The following SMAD9 variants were observed in gnomAD, a reference collection of about 807,000 sequenced individuals.
The protein encoded by SMAD9 is MAD homolog 9.
In SMAD9, 36 loss-of-function variants were observed where a neutral mutation model predicts 46.1. That is an observed-to-expected ratio of 0.78 (90% CI 0.60 to 1.03). The LOEUF (loss-of-function observed/expected upper bound fraction) is 1.03, where lower values mean the gene tolerates loss of function less well. SMAD9 is among the 50% of genes least tolerant of loss of function. The pLI is 0.00. For synonymous variants in SMAD9, 245 were observed against 237.1 expected (o/e 1.03, Z -0.31); for missense variants, 572 against 599.8 (o/e 0.95, Z 0.48).
chr13:36,850,739 T>C (rs982655889), intron 6 of SMAD9, among the ~76,000 whole-genome samples: 4 of 152,148 alleles, frequency 2.6e-5, no homozygotes, highest in African/African-American at 4.8e-5. Flanking sequence ...TTAAATACGG[T>C]CCCTTTGCAG....
At position 36,848,342 on chromosome 13, in the gene SMAD9, C is replaced by T. The variant is rs992020452; in HGVS notation, c.*334G>A. 2 of 324,572 alleles carry T rather than the reference C, an allele frequency of 6.2e-6. No homozygotes were observed. Among genetic ancestry groups the T allele is most frequent in the African/African-American group, 2.1e-5 (1 of 46,870 alleles). The allele number at this position is 324,572 out of a possible 1,614,324, so 20.1% of individuals were successfully genotyped here. On this transcript the variant is annotated 3_prime_UTR_variant, in exon 7 of 7. Transcript: ENST00000379826. Reference sequence around the variant, plus strand: ...GTTTCAATGTTTCTGTGAGGCCACACAACATGCTTTATAATGACACGGCTG... The same window carrying T: ...GTTTCAATGTTTCTGTGAGGCCACATAACATGCTTTATAATGACACGGCTG...
At chr13:36,880,857 G>T (rs1034805447) in intron 1 of SMAD9, among the ~76,000 whole-genome samples, 4 of 151,818 alleles carry the variant, frequency 2.6e-5, no homozygotes, top group African/African-American at 9.7e-5. Context: ...TGTTAATACA[G>T]TTTTTTTAAT....
intron 1 of SMAD9, among the ~76,000 whole-genome samples, chr13:36,906,615 G>A (rs2058622112): frequency 6.6e-6 from 1 of 152,158 alleles, no homozygotes; most frequent in Non-Finnish European, 1.5e-5. Context: ...CTCCAAAGAA[G>A]ATATACAAAT....
chr13:36,920,402 C>T (rs1227430202), upstream of SMAD9: 2 of 151,324 alleles, frequency 1.3e-5, no homozygotes, highest in East Asian at 1.9e-4. Flanking sequence ...GCGAGACCGG[C>T]CCCACGGCCA....
chr13:36,906,384 GA>G (rs990984878), intron 1 of SMAD9, among the ~76,000 whole-genome samples: 1 of 151,714 alleles, frequency 6.6e-6, no homozygotes, highest in African/African-American at 2.4e-5. Flanking sequence ...TAAATAAATG[GA>G]AAAAAATGCA....
intron 3 of SMAD9, 32 bp downstream of exon 3, chr13:36,872,626 G>T (rs779632486): frequency 6.2e-7 from 1 of 1,612,008 alleles, no homozygotes; most frequent in Admixed American, 1.7e-5. Context: ...TTATTTTCCC[G>T]TATTTCCCCA....
At chr13:36,877,703 C>T (rs571971310) in intron 2 of SMAD9, among the ~76,000 whole-genome samples, 13 of 151,990 alleles carry the variant, frequency 8.6e-5, no homozygotes, top group African/African-American at 2.9e-4. Context: ...TTAGGGGAAA[C>T]GCATCAGATT....
At chr13:36,911,356 T>C (rs1045848664) in intron 1 of SMAD9, among the ~76,000 whole-genome samples, 3 of 152,138 alleles carry the variant, frequency 2.0e-5, no homozygotes, top group African/African-American at 7.2e-5. Flanking sequence ...AGTTCTAACC[T>C]AAAGCCCATT....
chr13:36,888,760 G>T (rs1376123632), intron 1 of SMAD9, among the ~76,000 whole-genome samples: 2 of 152,168 alleles, frequency 1.3e-5, no homozygotes, highest in Non-Finnish European at 2.9e-5. Flanking sequence ...GTGAGGAAGT[G>T]GGGAGACATT....
chr13:36,883,451 AAAAT>A (rs1271967171), intron 1 of SMAD9, among the ~76,000 whole-genome samples: 4 of 152,230 alleles, frequency 2.6e-5, no homozygotes, highest in Admixed American at 6.5e-5. Context: ...ATCACAGTTA[AAAAT>A]AAATAAATAA....
At chr13:36,878,735 G>A (rs892796722) in intron 2 of SMAD9, among the ~76,000 whole-genome samples, 2 of 152,050 alleles carry the variant, frequency 1.3e-5, no homozygotes, top group African/African-American at 4.8e-5. Context: ...TCAGTTGTTT[G>A]GGGCGGGGGG....
chr13:36,891,794 G>A (rs1460475162), intron 1 of SMAD9, among the ~76,000 whole-genome samples: 1 of 152,146 alleles, frequency 6.6e-6, no homozygotes, highest in African/African-American at 2.4e-5. Context: ...ACAACAATTA[G>A]GCCCTAATCC....
intron 1 of SMAD9, among the ~76,000 whole-genome samples, chr13:36,917,246 G>A (rs1223800010): frequency 2.6e-5 from 4 of 151,978 alleles, no homozygotes; most frequent in South Asian, 2.1e-4. Flanking sequence ...AAAATTTACC[G>A]GAATATTTAT....
intron 1 of SMAD9, among the ~76,000 whole-genome samples, chr13:36,903,016 A>G (rs2058589765): frequency 6.6e-6 from 1 of 152,164 alleles, no homozygotes; most frequent in Admixed American, 6.5e-5. Flanking sequence ...GTGGAAGAAA[A>G]TACCATGGCT....
At chr13:36,853,146 G>A (rs147665627) in intron 6 of SMAD9, among the ~76,000 whole-genome samples, 10 of 152,248 alleles carry the variant, frequency 6.6e-5, no homozygotes, top group South Asian at 6.2e-4. Flanking sequence ...TCAGCCAAGC[G>A]TGGTGGTGCG....
intron 3 of SMAD9, among the ~76,000 whole-genome samples, chr13:36,870,099 G>T (rs2058276186): frequency 6.6e-6 from 1 of 152,172 alleles, no homozygotes; most frequent in African/African-American, 2.4e-5. Context: ...TCTTTGAAGT[G>T]AAAAGGGCTA....
intron 1 of SMAD9, among the ~76,000 whole-genome samples, chr13:36,901,995 T>C (rs973669859): frequency 6.6e-6 from 1 of 152,242 alleles, no homozygotes; most frequent in Non-Finnish European, 1.5e-5. Flanking sequence ...TGCAAGTTTT[T>C]AATTTTGATG....
chr13:36,856,100 C>T (rs1044687816), intron 5 of SMAD9, among the ~76,000 whole-genome samples: 1 of 152,132 alleles, frequency 6.6e-6, no homozygotes, highest in East Asian at 1.9e-4. Context: ...TGGACCCTCA[C>T]GATCATAAAG....
At chr13:36,873,988 A>G (rs2138446307) in intron 2 of SMAD9, among the ~76,000 whole-genome samples, 1 of 152,382 alleles carries the variant, frequency 6.6e-6, no homozygotes, top group East Asian at 1.9e-4. Flanking sequence ...ACAAAATTTC[A>G]GAATAAATTC....
Sources: gnomAD v4.1 joint callset for allele counts (sites outside exome capture counted in the v4.1 genomes callset) on GRCh38, gnomAD v4.1.1 for gene constraint, MANE v1.5 for transcripts, NCBI Gene and HGNC (gene_info 2026-07-23, HGNC 2026-07-21) for gene names.